Variants in KDM4C observed in about 807,000 individuals in gnomAD.
KDM4C encodes the protein lysine-specific demethylase 4C.
A neutral mutation model predicts 129.3 loss-of-function variants in KDM4C; 81 were observed. The observed-to-expected ratio is 0.63, with a 90% CI of 0.52 to 0.75. The LOEUF (loss-of-function observed/expected upper bound fraction) is 0.75, where lower values mean the gene tolerates loss of function less well. KDM4C is among the 30% of genes least tolerant of loss of function. KDM4C has a pLI of 0.00. For missense variants in KDM4C, 1,457 were observed against 1,304.0 expected (o/e 1.12, Z -1.81); for synonymous variants, 573 against 456.1 (o/e 1.26, Z -3.26).
chr9:6,723,140 G>T (rs755880035), intron 1 of KDM4C, among the ~76,000 whole-genome samples: 60 of 152,236 alleles, frequency 3.9e-4, no homozygotes, highest in Non-Finnish European at 6.9e-4. Flanking sequence ...TTGGGAGGCC[G>T]AGGTGAGTGG....
chr9:7,103,261 GAA>G (rs1328307392), intron 17 of KDM4C, among the ~76,000 whole-genome samples: 3 of 152,202 alleles, frequency 2.0e-5, no homozygotes, highest in Non-Finnish European at 4.4e-5. Context: ...ATTTAGGAAA[GAA>G]TGACCTGTCC....
In KDM4C at chr9:6,771,382, G is replaced by C. The variant is rs949538700; in HGVS notation, c.-18+13179G>C. 2.6e-5 allele frequency among the ~76,000 whole-genome samples: 4 copies of C among 151,992 alleles called. No individual in the cohort carries two copies. In the East Asian group the frequency reaches 5.8e-4, roughly 22 times the overall value. ...GCTGGAGTGCAATGTTACGATCTCAGCCCATTGTAATCTCCACCTCCTGGG... is the reference window on the plus strand; with the variant it reads ...GCTGGAGTGCAATGTTACGATCTCACCCCATTGTAATCTCCACCTCCTGGG... On this transcript the variant is annotated intron_variant, in intron 1 of 21. Transcript: ENST00000381309.
intron 17 of KDM4C, among the ~76,000 whole-genome samples, chr9:7,051,347 C>G (rs1481939174): frequency 1.3e-5 from 2 of 152,154 alleles, no homozygotes; most frequent in African/African-American, 4.8e-5. Flanking sequence ...TGTGAGTCCA[C>G]TGCAGTCCAG....
intron 8 of KDM4C, among the ~76,000 whole-genome samples, chr9:6,956,597 A>G (rs987441050): frequency 6.6e-6 from 1 of 152,166 alleles, no homozygotes; most frequent in Admixed American, 6.5e-5. Context: ...TCATTTGTTT[A>G]TGTATTATCT....
intron 19 of KDM4C, among the ~76,000 whole-genome samples, chr9:7,129,075 T>C (rs1318344480): frequency 6.6e-6 from 1 of 152,134 alleles, no homozygotes; most frequent in Admixed American, 6.5e-5. Context: ...GTGTGTGAGT[T>C]TGGGGAGCTG....
At chr9:6,859,339 G>C (rs1425354416) in intron 5 of KDM4C, among the ~76,000 whole-genome samples, 1 of 152,016 alleles carries the variant, frequency 6.6e-6, no homozygotes, top group Non-Finnish European at 1.5e-5. Context: ...GTTCGACGTA[G>C]TGGCCCACGC....
At chr9:6,826,175 A>T (rs1250953441) in intron 4 of KDM4C, among the ~76,000 whole-genome samples, 3 of 152,096 alleles carry the variant, frequency 2.0e-5, no homozygotes, top group East Asian at 1.9e-4. Flanking sequence ...AGCTGGGGAA[A>T]AGTTTTTTTT....
chr9:6,756,448 G>A (rs1818287053), upstream of KDM4C, among the ~76,000 whole-genome samples: 1 of 152,352 alleles, frequency 6.6e-6, no homozygotes, highest in African/African-American at 2.4e-5. Flanking sequence ...CGGGTGAAGT[G>A]GCTCACGCCT....
intron 1 of KDM4C, among the ~76,000 whole-genome samples, chr9:6,772,592 C>T (rs1230019139): frequency 2.0e-5 from 3 of 152,096 alleles, no homozygotes; most frequent in Non-Finnish European, 4.4e-5. Context: ...AACTCCTGAC[C>T]TCAAGTGATC....
At chr9:6,848,541 C>T (rs767854299) in intron 4 of KDM4C, among the ~76,000 whole-genome samples, 12 of 152,076 alleles carry the variant, frequency 7.9e-5, no homozygotes, top group African/African-American at 1.2e-4. Context: ...CGGTGGCCTA[C>T]GCCTGTAGGT....
At chr9:6,785,399 C>G (rs933153466) in intron 1 of KDM4C, among the ~76,000 whole-genome samples, 2 of 151,112 alleles carry the variant, frequency 1.3e-5, no homozygotes, top group Admixed American at 1.3e-4. Context: ...TGCAGTGGTG[C>G]GATCTTGGCT....
chr9:6,750,178 T>C (rs1392145088), intron 1 of KDM4C, among the ~76,000 whole-genome samples: 1 of 151,754 alleles, frequency 6.6e-6, no homozygotes, highest in African/African-American at 2.4e-5. Context: ...CGGTGGCTCA[T>C]ATCTGTAATC....
chr9:6,904,395 G>A (rs984884392), intron 8 of KDM4C, among the ~76,000 whole-genome samples: 1 of 146,382 alleles, frequency 6.8e-6, no homozygotes, highest in Non-Finnish European at 1.5e-5. Context: ...GTGACAGGTG[G>A]TTTGCAGTGG....
intron 4 of KDM4C, among the ~76,000 whole-genome samples, chr9:6,832,339 CAA>C (rs1182461387): frequency 1.1e-5 from 1 of 88,736 alleles, no homozygotes; most frequent in Non-Finnish European, 2.4e-5. Flanking sequence ...GACTCCGTCT[CAA>C]AAAAAAAAAA....
intron 8 of KDM4C, 44 bp downstream of exon 8, chr9:6,893,276 C>G (rs765724313): frequency 6.5e-7 from 1 of 1,545,936 alleles, no homozygotes; most frequent in Non-Finnish European, 8.8e-7. Flanking sequence ...AATGTGTATT[C>G]TGGTTATTTT....
intron 8 of KDM4C, among the ~76,000 whole-genome samples, chr9:6,974,220 T>G (rs1832537215): frequency 6.6e-6 from 1 of 152,206 alleles, no homozygotes; most frequent in South Asian, 2.1e-4. Context: ...TTGTGTTAAC[T>G]TCGTCATTGA....
chr9:6,937,865 C>T (rs935614343), intron 8 of KDM4C, among the ~76,000 whole-genome samples: 1 of 152,092 alleles, frequency 6.6e-6, no homozygotes, highest in African/African-American at 2.4e-5. Flanking sequence ...GAGTGCGCCA[C>T]TGTGGCCAGC....
intron 5 of KDM4C, among the ~76,000 whole-genome samples, chr9:6,852,448 C>T (rs780296199): frequency 2.0e-5 from 3 of 152,174 alleles, no homozygotes; most frequent in South Asian, 2.1e-4. Context: ...TCCAGTCATT[C>T]TGATTCTGTG....
intron 18 of KDM4C, among the ~76,000 whole-genome samples, chr9:7,123,838 G>C (rs557999646): frequency 5.3e-5 from 8 of 152,262 alleles, no homozygotes; most frequent in South Asian, 2.1e-4. Flanking sequence ...TGAGGTGAAG[G>C]GTGGGTGCCT....
Sources: allele counts gnomAD v4.1 joint callset (sites outside exome capture counted in the v4.1 genomes callset), GRCh38; gene constraint gnomAD v4.1.1; transcripts MANE v1.5; gene names NCBI Gene and HGNC (gene_info 2026-07-23, HGNC 2026-07-21).